PRRX2: variants seen among roughly 807,000 people sequenced by gnomAD.
PRRX2 encodes paired mesoderm homeobox protein 2.
A neutral mutation model predicts 18.0 loss-of-function variants in PRRX2; 11 were observed. The observed-to-expected ratio is 0.61, with a 90% CI of 0.39 to 1.01. The LOEUF is 1.01. Among genes scored for constraint, PRRX2 ranks in the 50% least tolerant of loss-of-function variants. The probability of loss-of-function intolerance (pLI) is 0.01; values close to 1 mark genes in which losing one functional copy is unlikely to be tolerated. For synonymous variants in PRRX2, 177 were observed against 154.8 expected (o/e 1.14, Z -1.06); for missense variants, 387 against 351.0 (o/e 1.10, Z -0.82).
chr9:129,709,580 C>G lies in PRRX2; in HGVS notation c.260-9651C>G, dbSNP rs1588173405. Among the ~76,000 whole-genome samples, 2 of 152,338 alleles carry G rather than the reference C, an allele frequency of 1.3e-5. No individual in the cohort carries two copies. The highest frequency in any genetic ancestry group is 6.5e-5 in the Admixed American group (1 of 15,296). ...GGCCGGGGAAGCCATGGGATGGGGC[C>G]CCCTGGGGACCTGTCTGACTCCTCG... On this transcript the variant is annotated intron_variant, in intron 1 of 3. Coordinates refer to ENST00000372469, the MANE Select transcript of PRRX2 (RefSeq NM_016307.4). This position sits in a 1 kb window ranked among gnomAD's most constrained non-coding sequence, Gnocchi z 4.2.
Position 129,666,776 on chromosome 9 carries a change from G to A in PRRX2, c.259+650G>A, listed in dbSNP as rs111797767. On this transcript the variant is annotated intron_variant, in intron 1 of 3. Coordinates refer to ENST00000372469, the MANE Select transcript of PRRX2 (RefSeq NM_016307.4). ...AGAAGGGGAGGGACGGGGAGAAGAT[G>A]GAGAAAAAGCAAAGGCCCCAGCCCC... Among the ~76,000 whole-genome samples the A allele has an allele frequency of 7.5e-3, 1,140 of 152,314 alleles. 18 individuals are homozygous for A. The highest frequency in any genetic ancestry group is 0.025 in the African/African-American group (1,033 of 41,560).
chr9:129,667,564 G>A (rs1832041366), intron 1 of PRRX2, among the ~76,000 whole-genome samples: 2 of 152,114 alleles, frequency 1.3e-5, no homozygotes, highest in African/African-American at 4.8e-5. Context: ...AGGAGAGAGA[G>A]AGGGAGGAGA....
At chr9:129,696,486 G>T (rs1245511300) in intron 1 of PRRX2, among the ~76,000 whole-genome samples, 29 of 152,128 alleles carry the variant, frequency 1.9e-4, no homozygotes, top group Admixed American at 1.9e-3. Flanking sequence ...CAGGTGGGAG[G>T]ATCGCTTAAG....
chr9:129,703,340 C>G (rs1158129700), intron 1 of PRRX2, among the ~76,000 whole-genome samples: 1 of 152,192 alleles, frequency 6.6e-6, no homozygotes, highest in Non-Finnish European at 1.5e-5. Context: ...CCTGCAGGTC[C>G]TGGCTGCAGA....
chr9:129,722,086 C>G, intron 3 of PRRX2, 131 bp from the exon 4 acceptor site: 1 of 1,322,482 alleles, frequency 7.6e-7, no homozygotes, highest in Non-Finnish European at 1.0e-6. Context: ...CCAAATCACC[C>G]CCAGTCCTGG....
intron 1 of PRRX2, among the ~76,000 whole-genome samples, chr9:129,697,828 C>A (rs1474709684): frequency 6.6e-6 from 1 of 152,048 alleles, no homozygotes; most frequent in Non-Finnish European, 1.5e-5. Flanking sequence ...CGCTTCCCCG[C>A]CCCCCGAAGT....
chr9:129,680,375 T>TG (rs1293508459), intron 1 of PRRX2, among the ~76,000 whole-genome samples: 1 of 131,584 alleles, frequency 7.6e-6, no homozygotes, highest in East Asian at 2.2e-4. Flanking sequence ...CACTCCAGCC[T>TG]GGGTGACAGA....
rs1832688234 is a variant in PRRX2, at chr9:129,715,172, TCCCAAAGG to T, written c.260-4058_260-4051del. ...CTGGTCCCGTATGTTTGCAAGTATTTCCCAAAGGGGGAAACTTCTGAACATAACCTCCT... is the reference window on the plus strand; with the variant it reads ...CTGGTCCCGTATGTTTGCAAGTATTTGGGAAACTTCTGAACATAACCTCCT... On this transcript the variant is annotated intron_variant, in intron 1 of 3. Transcript: ENST00000372469. The surrounding 1 kb of genome is among the most constrained non-coding windows in gnomAD (Gnocchi z 4.0). Among the ~76,000 whole-genome samples the T allele has an allele frequency of 6.6e-6, 1 of 152,138 alleles. No individual in the cohort carries two copies.
chr9:129,666,549 T>TG (rs1832025635), intron 1 of PRRX2, among the ~76,000 whole-genome samples: 2 of 148,098 alleles, frequency 1.4e-5, no homozygotes, highest in African/African-American at 2.6e-5. Context: ...TTGGGCTCTT[T>TG]GGGGGGCGAG....
At chr9:129,690,755 C>T (rs1238369956) in intron 1 of PRRX2, among the ~76,000 whole-genome samples, 2 of 151,774 alleles carry the variant, frequency 1.3e-5, no homozygotes, top group African/African-American at 4.8e-5. Context: ...ATCTGCCCGC[C>T]TTGGCCTCCC....
chr9:129,717,967 G>A (rs1037622281), intron 1 of PRRX2, among the ~76,000 whole-genome samples: 1 of 152,098 alleles, frequency 6.6e-6, no homozygotes, highest in Non-Finnish European at 1.5e-5. Flanking sequence ...ATCAGGGAGG[G>A]CCCCCTGGAG....
At chr9:129,700,674 G>A (rs1832482844) in intron 1 of PRRX2, among the ~76,000 whole-genome samples, 1 of 152,010 alleles carries the variant, frequency 6.6e-6, no homozygotes, top group Non-Finnish European at 1.5e-5. Flanking sequence ...CTGGAGTGCA[G>A]TGGCACAATT....
chr9:129,718,516 GGCTGCTCTCAAC>G (rs1832743947), intron 1 of PRRX2: 1 of 152,326 alleles, frequency 6.6e-6, no homozygotes, highest in Non-Finnish European at 1.5e-5. Context: ...TGGAAAGGAA[GGCTGCTCTCAAC>G]AGCTGCCTGA....
At chr9:129,703,162 G>A (rs1397743504) in intron 1 of PRRX2, among the ~76,000 whole-genome samples, 1 of 152,242 alleles carries the variant, frequency 6.6e-6, no homozygotes, top group East Asian at 1.9e-4. Flanking sequence ...TCCTGGGTGG[G>A]GCACAGCAGC....
At chr9:129,688,898 C>T (rs564420658) in intron 1 of PRRX2, among the ~76,000 whole-genome samples, 4 of 152,342 alleles carry the variant, frequency 2.6e-5, no homozygotes, top group South Asian at 4.1e-4. Flanking sequence ...CTCCCCTCTG[C>T]GGCCTCAGGC....
chr9:129,679,104 G>A (rs1325751059), intron 1 of PRRX2, among the ~76,000 whole-genome samples: 12 of 152,204 alleles, frequency 7.9e-5, no homozygotes, highest in Admixed American at 2.0e-4. Context: ...AGGTGGGGAC[G>A]GGGGTGCAGA....
At chr9:129,698,531 G>A (rs751480144) in intron 1 of PRRX2, among the ~76,000 whole-genome samples, 18 of 152,228 alleles carry the variant, frequency 1.2e-4, no homozygotes, top group Non-Finnish European at 2.1e-4. Context: ...CCTTGTTCCG[G>A]AAAAGGGGAG....
intron 1 of PRRX2, among the ~76,000 whole-genome samples, chr9:129,688,105 C>G (rs1588166218): frequency 6.6e-6 from 1 of 152,160 alleles, no homozygotes; most frequent in Non-Finnish European, 1.5e-5. Flanking sequence ...CTCTGTCACC[C>G]AGGCTGGAGT....
At chr9:129,693,894 C>A (rs1486024602) in intron 1 of PRRX2, among the ~76,000 whole-genome samples, 1 of 152,180 alleles carries the variant, frequency 6.6e-6, no homozygotes, top group Non-Finnish European at 1.5e-5. Flanking sequence ...TGTCAAGGGA[C>A]AAGGGATGGT....
Sources: allele counts gnomAD v4.1 joint callset (sites outside exome capture counted in the v4.1 genomes callset), GRCh38; gene constraint gnomAD v4.1.1; non-coding constraint Gnocchi (gnomAD v3.1); transcripts MANE v1.5; gene names NCBI Gene and HGNC (gene_info 2026-07-23, HGNC 2026-07-21).